Variants in EPHA6 observed in about 807,000 individuals in gnomAD.
EPHA6 encodes EPH receptor A6, also known as ephrin type-A receptor 6.
A neutral mutation model predicts 112.0 loss-of-function variants in EPHA6; 50 were observed. The ratio of observed to expected loss-of-function variants is 0.45; its 90% CI spans 0.36 to 0.56. The LOEUF is 0.56. EPHA6 is among the 20% of genes least tolerant of loss of function. EPHA6 has a pLI of 0.00. For missense variants in EPHA6, 1,280 were observed against 1,417.4 expected, an observed-to-expected ratio of 0.90 and a Z score of 1.56; for synonymous variants, 529 against 490.7, an observed-to-expected ratio of 1.08 and a Z score of -1.03.
At chr3:96,836,756 C>T (rs529603323) in intron 1 of EPHA6, among the ~76,000 whole-genome samples, 2 of 152,254 alleles carry the variant, frequency 1.3e-5, no homozygotes, top group South Asian at 4.1e-4. Flanking sequence ...TGCCTGTGCA[C>T]ACTTCAGTCC....
chr3:97,663,661 A>G (rs1250454998), intron 14 of EPHA6, among the ~76,000 whole-genome samples: 1 of 152,134 alleles, frequency 6.6e-6, no homozygotes, highest in Non-Finnish European at 1.5e-5. Flanking sequence ...AAAGGACATG[A>G]ACTCATCATT....
intron 16 of EPHA6, among the ~76,000 whole-genome samples, chr3:97,743,290 C>T (rs1015589707): frequency 6.6e-6 from 1 of 151,988 alleles, no homozygotes; most frequent in Non-Finnish European, 1.5e-5. Context: ...TGAGTCATCA[C>T]GTATTTAATG....
chr3:97,173,197 G>C (rs1451822623), intron 3 of EPHA6, among the ~76,000 whole-genome samples: 2 of 151,830 alleles, frequency 1.3e-5, no homozygotes, highest in Admixed American at 1.3e-4. Flanking sequence ...GTCATAAAGT[G>C]CTTTTGAAAT....
At chr3:97,090,157 A>G (rs1014132293) in intron 3 of EPHA6, among the ~76,000 whole-genome samples, 5 of 152,076 alleles carry the variant, frequency 3.3e-5, no homozygotes, top group African/African-American at 1.2e-4. Flanking sequence ...TAGAAAATTT[A>G]CCTTAATTTA....
At chr3:97,244,889 A>C (rs1157014941) in intron 5 of EPHA6, among the ~76,000 whole-genome samples, 1 of 151,988 alleles carries the variant, frequency 6.6e-6, no homozygotes, top group Non-Finnish European at 1.5e-5. Flanking sequence ...TTTTACTATA[A>C]TATGGTCAGG....
intron 9 of EPHA6, chr3:97,481,578 G>C (rs866877918): frequency 1.0e-4 from 59 of 586,172 alleles, no homozygotes; most frequent in African/African-American, 9.6e-4. Flanking sequence ...GGCGCTGGGG[G>C]ACTGTTGGGT....
chr3:97,548,308 G>T (rs1373965455), intron 11 of EPHA6, among the ~76,000 whole-genome samples: 1 of 152,138 alleles, frequency 6.6e-6, no homozygotes, highest in Non-Finnish European at 1.5e-5. Flanking sequence ...ATTGTATCAG[G>T]GGGCACATGA....
At chr3:97,172,966 G>A (rs544403366) in intron 3 of EPHA6, among the ~76,000 whole-genome samples, 15 of 152,034 alleles carry the variant, frequency 9.9e-5, no homozygotes, top group Middle Eastern at 3.4e-3. Flanking sequence ...TTAATGGTCA[G>A]CAACAACAAA....
In EPHA6 at chr3:97,417,622, A is replaced by T. The variant is rs184729753; in HGVS notation, c.1731+12348A>T. On this transcript the variant is annotated intron_variant, in intron 6 of 17. Coordinates refer to ENST00000389672, the MANE Select transcript of EPHA6 (RefSeq NM_001080448.3). ...CTTGCCTTCTCTTGTCCAAAAAAAA[A>T]ATCTGAGCTTGGAGGGGAAAGATGG... is the stretch of plus-strand genomic sequence containing the variant. Among the ~76,000 whole-genome samples the T allele has an allele frequency of 7.8e-4, 118 of 152,244 alleles. 1 individual carries two copies. In the East Asian group the frequency reaches 0.013, roughly 16 times the overall value.
At chr3:97,439,583 A>T (rs747304486) in intron 6 of EPHA6, 211 of 1,001,424 alleles carry the variant, frequency 2.1e-4, no homozygotes, top group Non-Finnish European at 2.4e-4. Flanking sequence ...CTACTATTTA[A>T]TGTTGTCACA....
At chr3:97,038,351 C>A (rs1251786680) in intron 3 of EPHA6, among the ~76,000 whole-genome samples, 2 of 151,958 alleles carry the variant, frequency 1.3e-5, no homozygotes, top group African/African-American at 4.8e-5. Flanking sequence ...CCAGTCCATT[C>A]TCTGTCTTCG....
At chr3:97,070,192 C>T (rs916961429) in intron 3 of EPHA6, among the ~76,000 whole-genome samples, 3 of 152,042 alleles carry the variant, frequency 2.0e-5, no homozygotes, top group African/African-American at 4.8e-5. Context: ...TTATCTTTGT[C>T]ATCTATTTGT....
chr3:97,604,803 A>C (rs1003110331), intron 12 of EPHA6, among the ~76,000 whole-genome samples: 1 of 151,698 alleles, frequency 6.6e-6, no homozygotes. Context: ...AATATAACTA[A>C]TTTAGGATTA....
chr3:97,190,001 TGG>T (rs1482689099), intron 3 of EPHA6, among the ~76,000 whole-genome samples: 9 of 152,016 alleles, frequency 5.9e-5, no homozygotes. Flanking sequence ...TCCCCCTGAA[TGG>T]AAATAACAGA....
At chr3:97,269,681 ATT>A (rs1445507588) in intron 5 of EPHA6, among the ~76,000 whole-genome samples, 1 of 152,160 alleles carries the variant, frequency 6.6e-6, no homozygotes, top group Non-Finnish European at 1.5e-5. Flanking sequence ...GAGCATCAGA[ATT>A]TTTTTGTTTC....
At chr3:97,087,885 C>T (rs6438950) in intron 3 of EPHA6, among the ~76,000 whole-genome samples, 1 of 151,910 alleles carries the variant, frequency 6.6e-6, no homozygotes, top group Admixed American at 6.6e-5. Flanking sequence ...CCTTCATTTC[C>T]CATTAAAATT....
At chr3:97,567,142 A>G (rs1220942714) in intron 11 of EPHA6, among the ~76,000 whole-genome samples, 1 of 152,220 alleles carries the variant, frequency 6.6e-6, no homozygotes, top group East Asian at 1.9e-4. Context: ...TGTAGTGTAG[A>G]AAGAGCATTG....
At position 96,846,602 on chromosome 3, in the gene EPHA6, A is replaced by T. The variant is rs552480691; in HGVS notation, c.386-20223A>T. The stretch of plus-strand genomic sequence containing the variant: ...GTAATTTTGTATATTTGATATGTAG[A>T]ATAGATGCGCAATAGCTTTTTTAAT... On this transcript the variant is annotated intron_variant, in intron 1 of 17. Transcript: ENST00000389672. Among the ~76,000 whole-genome samples, 31 of 152,224 alleles carry T rather than the reference A, an allele frequency of 2.0e-4. 1 individual carries two copies. The South Asian group carries it at 6.0e-3, about 29-fold the overall frequency.
At chr3:97,123,512 C>T (rs1022401709) in intron 3 of EPHA6, among the ~76,000 whole-genome samples, 1 of 152,026 alleles carries the variant, frequency 6.6e-6, no homozygotes, top group African/African-American at 2.4e-5. Flanking sequence ...AGCATAGAAA[C>T]TTTGGCAATA....
Sources: gnomAD v4.1 joint callset for allele counts (sites outside exome capture counted in the v4.1 genomes callset) on GRCh38, gnomAD v4.1.1 for gene constraint, MANE v1.5 for transcripts, NCBI Gene and HGNC (gene_info 2026-07-23, HGNC 2026-07-21) for gene names.